ACACA: variants seen among roughly 807,000 people sequenced by gnomAD.
The protein encoded by ACACA is acetyl-CoA carboxylase 1.
In ACACA, 103 loss-of-function variants were observed where a neutral mutation model predicts 296.1. The observed-to-expected ratio is 0.35, with a 90% CI of 0.30 to 0.41. ACACA has a LOEUF of 0.41. ACACA is among the 10% of genes least tolerant of loss of function. The pLI, the probability that ACACA is intolerant of heterozygous loss-of-function variation, is 1.00. For synonymous variants in ACACA, 953 were observed against 1,038.6 expected (o/e 0.92, Z 1.58); for missense variants, 1,554 against 2,989.7 (o/e 0.52, Z 11.20).
chr17:37,255,194 C>T (rs377061807), intron 14 of ACACA, among the ~76,000 whole-genome samples: 1 of 152,144 alleles, frequency 6.6e-6, no homozygotes, highest in South Asian at 2.1e-4. Flanking sequence ...TCCATTCAAC[C>T]AACGTTTACT....
chr17:37,320,972 T>C (rs929452553), intron 3 of ACACA, among the ~76,000 whole-genome samples: 1 of 151,228 alleles, frequency 6.6e-6, no homozygotes, highest in Admixed American at 6.6e-5. Flanking sequence ...AAAAAAATTG[T>C]GGGAAATAAT....
chr17:37,406,585 GC>G lies in ACACA; in HGVS notation c.-287del. 1 of 574,354 alleles carries G rather than the reference GC, an allele frequency of 1.7e-6. No individual in the cohort carries two copies. Among genetic ancestry groups the G allele is most frequent in the Non-Finnish European group, 3.1e-6 (1 of 321,640 alleles). The allele number at this position is 574,354 out of a possible 1,614,324, so 35.6% of individuals were successfully genotyped here. A position where few individuals can be genotyped will look rare whatever the true frequency, so the allele number is the denominator to read the frequency against. ...AACCCAGGCAGTCCCGGCTCGGCCCGCCTCACCGCACTCCGGAGGGGACCAA... is the reference window on the plus strand; with the variant it reads ...AACCCAGGCAGTCCCGGCTCGGCCCGCTCACCGCACTCCGGAGGGGACCAA... On this transcript the variant is annotated 5_prime_UTR_variant, in exon 1 of 56. Transcript: ENST00000616317.
At chr17:37,141,779 C>A (rs1052852779) in intron 45 of ACACA, among the ~76,000 whole-genome samples, 1 of 151,990 alleles carries the variant, frequency 6.6e-6, no homozygotes, top group Admixed American at 6.6e-5. Context: ...GCCACCTCTG[C>A]CTCCCAGGTT....
intron 23 of ACACA, among the ~76,000 whole-genome samples, chr17:37,241,568 G>A (rs1031023266): frequency 6.6e-6 from 1 of 152,036 alleles, no homozygotes; most frequent in Non-Finnish European, 1.5e-5. Flanking sequence ...AGCTGGATGT[G>A]GTGGTGCACA....
chr17:37,199,425 G>A (rs1263153226), intron 35 of ACACA, among the ~76,000 whole-genome samples: 3 of 151,958 alleles, frequency 2.0e-5, no homozygotes, highest in Admixed American at 6.6e-5. Context: ...ATGATCATAC[G>A]GGTATACCAT....
chr17:37,368,567 G>A (rs1432464764), intron 1 of ACACA: 1 of 152,212 alleles, frequency 6.6e-6, no homozygotes, highest in African/African-American at 2.4e-5. Flanking sequence ...GGTGACAAGA[G>A]CAAGACTCCA....
At chr17:37,144,353 C>A (rs555896156) in intron 45 of ACACA, 34 of 488,858 alleles carry the variant, frequency 7.0e-5, no homozygotes, top group South Asian at 6.4e-4. Context: ...CTCTCGCTTG[C>A]CCCGGCGCTG....
intron 42 of ACACA, among the ~76,000 whole-genome samples, chr17:37,157,062 G>A (rs2076280662): frequency 6.6e-6 from 1 of 152,120 alleles, no homozygotes; most frequent in Non-Finnish European, 1.5e-5. Flanking sequence ...GGAAAGTCAG[G>A]AAATACACAA....
chr17:37,300,258 T>C (rs888637065), intron 3 of ACACA, among the ~76,000 whole-genome samples: 6 of 152,202 alleles, frequency 3.9e-5, no homozygotes, highest in African/African-American at 1.4e-4. Context: ...TATATTACTA[T>C]GAAAGCAAAT....
At chr17:37,300,680 G>A (rs1598434535) in intron 3 of ACACA, among the ~76,000 whole-genome samples, 1 of 152,014 alleles carries the variant, frequency 6.6e-6, no homozygotes, top group South Asian at 2.1e-4. Context: ...TGATCTGAAG[G>A]ACATTCGGGC....
Position 37,401,523 on chromosome 17 carries a change from G to A in ACACA, c.38+4739C>T, listed in dbSNP as rs375814954. Among the ~76,000 whole-genome samples, 11 of 149,384 alleles carry A rather than the reference G, an allele frequency of 7.4e-5. No homozygotes were observed. The South Asian group carries it at 1.5e-3, about 20-fold the overall frequency. The stretch of plus-strand genomic sequence containing the variant: ...TGTCCACTTATCTGATGTAGGGGTC[G>A]TGAATATTTTCTCCCATTCCGTAGG... On this transcript the variant is annotated intron_variant, in intron 1 of 55. Coordinates refer to ENST00000616317, the MANE Select transcript of ACACA (RefSeq NM_198834.3).
At chr17:37,250,902 C>T (rs1361062559) in intron 16 of ACACA, among the ~76,000 whole-genome samples, 1 of 151,968 alleles carries the variant, frequency 6.6e-6, no homozygotes, top group Non-Finnish European at 1.5e-5. Context: ...TGGCAGGTGC[C>T]TGTAGTCCCA....
intron 42 of ACACA, among the ~76,000 whole-genome samples, chr17:37,157,358 A>C (rs932655222): frequency 2.0e-5 from 3 of 152,120 alleles, no homozygotes; most frequent in Admixed American, 6.5e-5. Flanking sequence ...TGGTCAGGGG[A>C]GGCTGTAGCA....
At chr17:37,171,655 A>G (rs1187010988) in intron 41 of ACACA, among the ~76,000 whole-genome samples, 1 of 149,478 alleles carries the variant, frequency 6.7e-6, no homozygotes, top group Non-Finnish European at 1.5e-5. Flanking sequence ...ACCTCTCTAA[A>G]CAGCGATAAA....
intron 26 of ACACA, 88 bp from the exon 27 acceptor site, chr17:37,225,193 A>G: frequency 1.2e-6 from 1 of 811,290 alleles, no homozygotes. Flanking sequence ...AAAGCAATAA[A>G]TATAAATCTG....
At chr17:37,265,093 G>A (rs2081696369) in intron 10 of ACACA, among the ~76,000 whole-genome samples, 1 of 152,142 alleles carries the variant, frequency 6.6e-6, no homozygotes, top group Admixed American at 6.5e-5. Flanking sequence ...GTTCCAAGAG[G>A]GGAAGAAGCT....
At chr17:37,209,110 G>A (rs190953713) in intron 30 of ACACA, among the ~76,000 whole-genome samples, 87 of 152,252 alleles carry the variant, frequency 5.7e-4, no homozygotes, top group Admixed American at 5.7e-3. Context: ...ATCATCTTTT[G>A]ACAGTACTTG....
At chr17:37,400,221 G>C (rs904790193) in intron 1 of ACACA, among the ~76,000 whole-genome samples, 4 of 152,164 alleles carry the variant, frequency 2.6e-5, no homozygotes, top group Admixed American at 6.6e-5. Flanking sequence ...CCGGGTTCAA[G>C]TGATTCTCAT....
At chr17:37,261,441 G>A (rs1269652834) in intron 11 of ACACA, among the ~76,000 whole-genome samples, 3 of 152,210 alleles carry the variant, frequency 2.0e-5, no homozygotes, top group African/African-American at 7.2e-5. Flanking sequence ...GCTTAGTTAA[G>A]TATTTGAAGG....
Sources: allele counts gnomAD v4.1 joint callset (sites outside exome capture counted in the v4.1 genomes callset), GRCh38; gene constraint gnomAD v4.1.1; transcripts MANE v1.5; gene names NCBI Gene and HGNC (gene_info 2026-07-23, HGNC 2026-07-21).